DPY19L3: variants seen among roughly 807,000 people sequenced by gnomAD.
DPY19L3 encodes the protein protein C-mannosyl-transferase DPY19L3.
DPY19L3 carries 51 observed loss-of-function variants against 92.3 expected under a neutral mutation model. The observed-to-expected ratio is 0.55, with a 90% CI of 0.44 to 0.70. The LOEUF (loss-of-function observed/expected upper bound fraction) is 0.70. DPY19L3 is among the 30% of genes least tolerant of loss of function. The pLI, the probability that DPY19L3 is intolerant of heterozygous loss-of-function variation, is 0.00. For missense variants in DPY19L3, 706 were observed against 855.9 expected, an observed-to-expected ratio of 0.82 and a Z score of 2.18; for synonymous variants, 309 against 315.2, an observed-to-expected ratio of 0.98 and a Z score of 0.21.
intron 2 of DPY19L3, among the ~76,000 whole-genome samples, chr19:32,409,510 C>T (rs1968103522): frequency 1.3e-5 from 2 of 152,100 alleles, no homozygotes; most frequent in Non-Finnish European, 2.9e-5. Flanking sequence ...AACTTTATTT[C>T]CTTGGGGCAT....
chr19:32,414,733 A>G (rs575230433), intron 3 of DPY19L3, among the ~76,000 whole-genome samples: 1 of 152,384 alleles, frequency 6.6e-6, no homozygotes, highest in Non-Finnish European at 1.5e-5. Context: ...TAACAACCGT[A>G]TAGCAAGGAG....
chr19:32,422,912 C>T (rs1968622885), intron 3 of DPY19L3, among the ~76,000 whole-genome samples: 1 of 152,144 alleles, frequency 6.6e-6, no homozygotes. Flanking sequence ...GTCTAATGGT[C>T]AAAGACCATG....
chr19:32,450,563 T>C (rs894792358), intron 8 of DPY19L3, among the ~76,000 whole-genome samples: 1 of 152,202 alleles, frequency 6.6e-6, no homozygotes, highest in African/African-American at 2.4e-5. Context: ...TGTTGATACA[T>C]GGTGCAACAT....
intron 12 of DPY19L3, among the ~76,000 whole-genome samples, chr19:32,462,029 T>C (rs960821911): frequency 3.5e-4 from 54 of 152,202 alleles, no homozygotes; most frequent in African/African-American, 1.3e-3. Flanking sequence ...TTCCTATACA[T>C]ATATCCCTGT....
chr19:32,473,412 G>C (rs1970412510), intron 16 of DPY19L3, among the ~76,000 whole-genome samples: 1 of 152,204 alleles, frequency 6.6e-6, no homozygotes, highest in South Asian at 2.1e-4. Flanking sequence ...AGCTATTTTA[G>C]ATACAGACCA....
chr19:32,474,654 G>A (rs1043745254), intron 16 of DPY19L3, among the ~76,000 whole-genome samples: 1 of 152,060 alleles, frequency 6.6e-6, no homozygotes, highest in Non-Finnish European at 1.5e-5. Context: ...GCAGTGGCAC[G>A]ATCTTGGCTC....
At position 32,436,536 on chromosome 19, in the gene DPY19L3, T is replaced by C; in HGVS notation, c.419T>C (p.Leu140Pro). ...QRMNIYQEVF[L>P]SILYRVLPIQ... ...ATGAATATTTACCAAGAGGTTTTTCTCAGTATTTTATATAGAGTTCTACCC... is the reference window on the plus strand; with the variant it reads ...ATGAATATTTACCAAGAGGTTTTTCCCAGTATTTTATATAGAGTTCTACCC... Residue 140 changes from leucine (L) to proline (P), a missense_variant, in exon 5 of 19, where the codon CTC becomes CCC. Leu to Pro is a moderately conservative substitution (Grantham distance 98). Coordinates refer to ENST00000392250, the MANE Select transcript of DPY19L3 (RefSeq NM_001172774.2). 1 of 1,577,424 alleles carries C rather than the reference T, an allele frequency of 6.3e-7. No individual in the cohort carries two copies. Among genetic ancestry groups the C allele is most frequent in the Non-Finnish European group, 8.6e-7 (1 of 1,156,532 alleles).
At chr19:32,445,950 C>A (rs867794549) in intron 8 of DPY19L3, among the ~76,000 whole-genome samples, 12 of 151,730 alleles carry the variant, frequency 7.9e-5, no homozygotes, top group African/African-American at 2.9e-4. Context: ...TGCAGTGAGC[C>A]GAGATTGTGC....
chr19:32,412,189 G>GT (rs999246796), intron 3 of DPY19L3: 2 of 152,050 alleles, frequency 1.3e-5, no homozygotes, highest in Non-Finnish European at 2.9e-5. Flanking sequence ...AATCAAGTGA[G>GT]TTTTTTCTTT....
chr19:32,448,264 T>C (rs772659724), intron 8 of DPY19L3, among the ~76,000 whole-genome samples: 12 of 152,194 alleles, frequency 7.9e-5, no homozygotes, highest in Non-Finnish European at 1.8e-4. Flanking sequence ...ATTTTATTAA[T>C]GTTAAACAGA....
At chr19:32,451,645 G>C (rs1969703294) in intron 8 of DPY19L3, among the ~76,000 whole-genome samples, 2 of 152,178 alleles carry the variant, frequency 1.3e-5, no homozygotes, top group South Asian at 4.1e-4. Context: ...ATTTGAAAGA[G>C]AAGAAGAAAA....
chr19:32,413,164 TAAAC>T (rs1398728516), intron 3 of DPY19L3: 2 of 152,140 alleles, frequency 1.3e-5, no homozygotes, highest in Admixed American at 6.5e-5. Flanking sequence ...CTTGTAAAAA[TAAAC>T]AAACACCTTC....
Position 32,482,446 on chromosome 19 carries a change from C to A in DPY19L3, c.*206C>A. 1.8e-6 allele frequency: 1 copy of A among 562,630 alleles called. No individual in the cohort carries two copies. The highest frequency in any genetic ancestry group is 3.1e-6 in the Non-Finnish European group (1 of 326,532). 34.9% of individuals were successfully genotyped at this position (562,630 alleles called of 1,614,324 possible). A position where few individuals can be genotyped will look rare whatever the true frequency, so the allele number is the denominator to read the frequency against. On this transcript the variant is annotated 3_prime_UTR_variant, in exon 19 of 19. Transcript: ENST00000392250. ...TTTTTCGTTGTGTGTCTATCTTTCT[C>A]ATTAATGTTCTTTAGCCTAAATGTT... is the stretch of plus-strand genomic sequence containing the variant.
At chr19:32,415,037 G>C (rs1294099263) in intron 3 of DPY19L3, among the ~76,000 whole-genome samples, 1 of 152,204 alleles carries the variant, frequency 6.6e-6, no homozygotes, top group African/African-American at 2.4e-5. Flanking sequence ...TATAGTAAGT[G>C]AATTGAGTAA....
intron 10 of DPY19L3, among the ~76,000 whole-genome samples, chr19:32,456,066 A>G (rs180695743): frequency 2.0e-4 from 29 of 141,710 alleles, no homozygotes; most frequent in African/African-American, 7.1e-4. Context: ...GCCAGTCACT[A>G]TGTCACTATG....
At chr19:32,422,595 C>CA (rs1568328286) in intron 3 of DPY19L3, among the ~76,000 whole-genome samples, 2 of 147,198 alleles carry the variant, frequency 1.4e-5, no homozygotes, top group African/African-American at 2.5e-5. Context: ...ATTTGTGTCC[C>CA]AAAAAAAGAG....
chr19:32,441,387 G>A (rs1302531001), intron 8 of DPY19L3, among the ~76,000 whole-genome samples: 1 of 151,956 alleles, frequency 6.6e-6, no homozygotes, highest in Non-Finnish European at 1.5e-5. Flanking sequence ...TAAAGGTTCT[G>A]GAAAAATACA....
In DPY19L3 at chr19:32,434,428, G is replaced by A. The variant is rs537687135; in HGVS notation, c.328+1622G>A. ...TCCCAGCACTTTGGGAGGCCGAGGC[G>A]GATGGATCACCTGAGGTCGGGAGTT... On this transcript the variant is annotated intron_variant, in intron 4 of 18. Transcript: ENST00000392250. Among the ~76,000 whole-genome samples, 11 of 152,256 alleles carry A rather than the reference G, an allele frequency of 7.2e-5. No homozygotes were observed. In the South Asian group the frequency reaches 1.0e-3, roughly 14 times the overall value.
At chr19:32,469,456 A>G (rs2013507099) in intron 16 of DPY19L3, among the ~76,000 whole-genome samples, 1 of 151,722 alleles carries the variant, frequency 6.6e-6, no homozygotes, top group South Asian at 2.1e-4. Context: ...AGATCGCGCT[A>G]CTACACTTCA....
Sources: allele counts gnomAD v4.1 joint callset (sites outside exome capture counted in the v4.1 genomes callset), GRCh38; gene constraint gnomAD v4.1.1; transcripts MANE v1.5; gene names NCBI Gene and HGNC (gene_info 2026-07-23, HGNC 2026-07-21).